The following POTEH variants were observed in gnomAD, a reference collection of about 807,000 sequenced individuals.
POTEH encodes the protein ANKRD26-like family C member 3.
POTEH carries 6 observed loss-of-function variants against 41.7 expected under a neutral mutation model. That is an observed-to-expected ratio of 0.14 (90% CI 0.08 to 0.28). POTEH has a LOEUF of 0.28. POTEH is among the 10% of genes least tolerant of loss of function. POTEH has a pLI of 1.00. For synonymous variants in POTEH, 38 were observed against 179.9 expected (o/e 0.21, Z 6.31); for missense variants, 115 against 533.5 (o/e 0.22, Z 7.73).
In POTEH at chr22:15,690,058, T is replaced by G. The variant is rs531413071; in HGVS notation, c.-20T>G. ...GCGATCTGCTGGCTACTACCGGCCT[T>G]CCCTGGCTGTTAAAAGCAGATGGTG... On this transcript the variant is annotated 5_prime_UTR_variant, in exon 1 of 11. Coordinates refer to ENST00000343518, the MANE Select transcript of POTEH (RefSeq NM_001136213.1). The G allele has an allele frequency of 9.3e-6, 13 of 1,390,994 alleles. No individual in the cohort carries two copies. Among genetic ancestry groups the G allele is most frequent in the South Asian group, 4.7e-5 (4 of 84,432 alleles). The allele number at this position is 1,390,994 out of a possible 1,614,324, so 86.2% of individuals were successfully genotyped here.
chr22:15,717,127 T>C (rs1341018307), intron 9 of POTEH, among the ~76,000 whole-genome samples: 2 of 91,040 alleles, frequency 2.2e-5, no homozygotes, highest in African/African-American at 6.8e-5. Flanking sequence ...TACGTATATG[T>C]GATATATATA....
At chr22:15,704,022 T>C in intron 6 of POTEH, among the ~76,000 whole-genome samples, 1 of 152,210 alleles carries the variant, frequency 6.6e-6, no homozygotes, top group East Asian at 1.9e-4. Context: ...ATTTTCATTA[T>C]TTGACTACTT....
chr22:15,706,056 G>A (rs1989665451), intron 6 of POTEH, among the ~76,000 whole-genome samples: 1 of 152,306 alleles, frequency 6.6e-6, no homozygotes, highest in African/African-American at 2.4e-5. Context: ...TTCAGTCCTA[G>A]AGTGCCCTGC....
At chr22:15,714,566 C>A (rs201956988) in intron 9 of POTEH, among the ~76,000 whole-genome samples, 4,104 of 148,392 alleles carry the variant, frequency 0.028, 24 homozygotes, top group East Asian at 0.12. Flanking sequence ...TTCCCCATGT[C>A]TGGAATGCTT....
chr22:15,693,046 A>T (rs1390393132), intron 1 of POTEH, among the ~76,000 whole-genome samples: 4 of 126,606 alleles, frequency 3.2e-5, no homozygotes, highest in Non-Finnish European at 7.2e-5. Context: ...ATAGGACGGA[A>T]TAATATGTAA....
At position 15,710,550 on chromosome 22, in the gene POTEH, T is replaced by A. The variant is rs1989791785; in HGVS notation, c.1354-318T>A. ...CACCAGTCAAATGGGGGTAAATACA[T>A]ATATAAGATTCTGAAGAGTGATTGA... On this transcript the variant is annotated intron_variant, in intron 8 of 10. Transcript: ENST00000343518. Among the ~76,000 whole-genome samples the A allele has an allele frequency of 2.0e-5, 3 of 152,360 alleles. No individual in the cohort carries two copies. The South Asian group carries it at 6.2e-4, about 32-fold the overall frequency.
intron 7 of POTEH, among the ~76,000 whole-genome samples, chr22:15,709,143 TTATC>T (rs1989749034): frequency 1.4e-5 from 2 of 142,336 alleles, no homozygotes; most frequent in African/African-American, 2.7e-5. Context: ...ATTAAAATTT[TTATC>T]TACTGTCATT....
At chr22:15,690,959 T>G (rs1989291714) in intron 1 of POTEH, among the ~76,000 whole-genome samples, 1 of 130,356 alleles carries the variant, frequency 7.7e-6, no homozygotes, top group South Asian at 2.4e-4. Context: ...TGAAGTGATT[T>G]AACTCGCAAC....
chr22:15,703,640 G>A lies in POTEH; in HGVS notation c.1237+884G>A, dbSNP rs971791199. On this transcript the variant is annotated intron_variant, in intron 6 of 10. Coordinates refer to ENST00000343518, the MANE Select transcript of POTEH (RefSeq NM_001136213.1). ...CAGATTATCATAAAAGTAGAAAAAT[G>A]TTTCACACTCACAAAAATGCTAGTA... is the stretch of plus-strand genomic sequence containing the variant. 5.4e-5 allele frequency among the ~76,000 whole-genome samples: 8 copies of A among 148,646 alleles called. No individual in the cohort carries two copies. In the South Asian group the frequency reaches 1.2e-3, roughly 21 times the overall value.
chr22:15,691,254 T>G (rs1989301777), intron 1 of POTEH, among the ~76,000 whole-genome samples: 1 of 140,998 alleles, frequency 7.1e-6, no homozygotes, highest in Non-Finnish European at 1.6e-5. Context: ...CTGGGCGTGG[T>G]GGCTCACACC....
At chr22:15,720,398 TAAAAG>T (rs1183050792) in intron 10 of POTEH, among the ~76,000 whole-genome samples, 1 of 133,486 alleles carries the variant, frequency 7.5e-6, no homozygotes, top group East Asian at 2.6e-4. Context: ...AAAGAGGAAA[TAAAAG>T]TTATCACAAT....
At chr22:15,691,968 A>T (rs1989325657) in intron 1 of POTEH, among the ~76,000 whole-genome samples, 1 of 139,524 alleles carries the variant, frequency 7.2e-6, no homozygotes, top group African/African-American at 2.5e-5. Flanking sequence ...ACAAGTGCCT[A>T]TTTACATATG....
intron 3 of POTEH, among the ~76,000 whole-genome samples, chr22:15,696,048 G>T: frequency 5.4e-5 from 3 of 55,148 alleles, no homozygotes; most frequent in Non-Finnish European, 7.7e-5. Context: ...ACTTTTTTTT[G>T]AAAACACTGA....
intron 6 of POTEH, among the ~76,000 whole-genome samples, chr22:15,706,798 GC>G (rs1254393894): frequency 5.8e-4 from 88 of 151,956 alleles, no homozygotes; most frequent in African/African-American, 1.5e-3. Context: ...TGCTGGTAGT[GC>G]CCTACTCACT....
At chr22:15,691,981 G>GATATATATATATAAAT (rs1403078945) in intron 1 of POTEH, among the ~76,000 whole-genome samples, 1 of 123,054 alleles carries the variant, frequency 8.1e-6, no homozygotes, top group East Asian at 2.7e-4. Context: ...TACATATGCA[G>GATATATATATATAAAT]ATACATATAT....
intron 3 of POTEH, among the ~76,000 whole-genome samples, chr22:15,696,158 T>G: frequency 1.3e-5 from 1 of 79,028 alleles, no homozygotes; most frequent in Middle Eastern, 6.1e-3. Flanking sequence ...GAAATAGGTT[T>G]TACATGAAAA....
At chr22:15,714,451 C>T (rs1194496367) in intron 9 of POTEH, among the ~76,000 whole-genome samples, 1 of 140,296 alleles carries the variant, frequency 7.1e-6, no homozygotes, top group Non-Finnish European at 1.6e-5. Flanking sequence ...GCTTAAACTT[C>T]TGTTTCTTAT....
Position 15,690,823 on chromosome 22 carries a change from C to A in POTEH, c.632+114C>A. The A allele has an allele frequency of 1.5e-6, 2 of 1,314,860 alleles. 1 individual carries two copies. Among genetic ancestry groups the A allele is most frequent in the South Asian group, 2.6e-5 (2 of 77,982 alleles). The allele number at this position is 1,314,860 out of a possible 1,614,324, so 81.4% of individuals were successfully genotyped here. ...CTTGCCTCCACAGGCCTCACACCAC[C>A]CTGGATGTGGAAACCTCAGAGAGTT... On this transcript the variant is annotated intron_variant, in intron 1 of 10. Transcript: ENST00000343518.
intron 9 of POTEH, among the ~76,000 whole-genome samples, chr22:15,713,219 A>G (rs1243212600): frequency 1.3e-5 from 2 of 152,362 alleles, no homozygotes; most frequent in Admixed American, 1.3e-4. Context: ...GCACTCCTCC[A>G]GAGTTGTTTT....
Sources: gnomAD v4.1 joint callset for allele counts (sites outside exome capture counted in the v4.1 genomes callset) on GRCh38, gnomAD v4.1.1 for gene constraint, MANE v1.5 for transcripts, NCBI Gene and HGNC (gene_info 2026-07-23, HGNC 2026-07-21) for gene names.